NRG1: variants seen among roughly 807,000 people sequenced by gnomAD.
NRG1 encodes neuregulin 1, also known as pro-neuregulin-1, membrane-bound isoform.
In NRG1, 18 loss-of-function variants were observed where a neutral mutation model predicts 63.8. The observed-to-expected ratio is 0.28, with a 90% CI of 0.19 to 0.42. The LOEUF is 0.42. Ranked by LOEUF, NRG1 falls within the 10% of genes least tolerant of loss-of-function variation. NRG1 has a pLI of 1.00. For synonymous variants in NRG1, 302 were observed against 301.3 expected, an observed-to-expected ratio of 1.00 and a Z score of -0.02; for missense variants, 762 against 814.7, an observed-to-expected ratio of 0.94 and a Z score of 0.79.
intron 1 of NRG1, among the ~76,000 whole-genome samples, chr8:31,776,696 A>G (rs924479971): frequency 6.7e-6 from 1 of 150,098 alleles, no homozygotes; most frequent in Non-Finnish European, 1.5e-5. Context: ...CCCTCCCCCT[A>G]CCCCACAACA....
chr8:31,683,295 G>T (rs1808525990), intron 1 of NRG1, among the ~76,000 whole-genome samples: 1 of 152,130 alleles, frequency 6.6e-6, no homozygotes, highest in Admixed American at 6.6e-5. Flanking sequence ...CAACCAAGAT[G>T]TTCATTAGTA....
At chr8:31,882,278 A>G (rs867323265) in intron 1 of NRG1, among the ~76,000 whole-genome samples, 1 of 147,152 alleles carries the variant, frequency 6.8e-6, no homozygotes, top group Admixed American at 7.0e-5. Context: ...TGTTTATAGC[A>G]TGATTTACTG....
intron 1 of NRG1, among the ~76,000 whole-genome samples, chr8:32,291,083 A>G (rs917320504): frequency 3.9e-5 from 6 of 152,196 alleles, no homozygotes; most frequent in Non-Finnish European, 5.9e-5. Context: ...GAAAAAGCCA[A>G]TGTCCCAGTT....
chr8:32,750,305 CAAAGT>C (rs1264866739), intron 7 of NRG1, among the ~76,000 whole-genome samples: 2 of 152,072 alleles, frequency 1.3e-5, no homozygotes, highest in South Asian at 2.1e-4. Context: ...TTCACACTGT[CAAAGT>C]AAAAGAAAAA....
At chr8:31,932,059 A>G (rs569020811) in intron 1 of NRG1, among the ~76,000 whole-genome samples, 2 of 152,174 alleles carry the variant, frequency 1.3e-5, no homozygotes, top group East Asian at 3.9e-4. Context: ...GGTCCTTAAA[A>G]AGGAAGGCTC....
rs534309851 is a variant in NRG1 at position 31,710,663 on chromosome 8, T to C, written c.37+71232T>C. On this transcript the variant is annotated intron_variant, in intron 1 of 10. Transcript: ENST00000519301. ...AAATAAGACCATCTACTTGGATTCT[T>C]TTCTGTTTTGCCAGTATATCTTTTT... 7.7e-4 allele frequency among the ~76,000 whole-genome samples: 117 copies of C among 152,258 alleles called. 1 individual carries two copies. The highest frequency in any genetic ancestry group is 2.8e-3 in the African/African-American group (117 of 41,598).
At chr8:31,767,116 A>C (rs766647335) in intron 1 of NRG1, among the ~76,000 whole-genome samples, 3 of 152,142 alleles carry the variant, frequency 2.0e-5, no homozygotes, top group Non-Finnish European at 4.4e-5. Context: ...TCTTCCTCTT[A>C]ACACGAAGAA....
chr8:31,717,570 A>G (rs1259230370), intron 1 of NRG1, among the ~76,000 whole-genome samples: 1 of 152,142 alleles, frequency 6.6e-6, no homozygotes, highest in East Asian at 1.9e-4. Flanking sequence ...ACAAAGTGGG[A>G]CATGCATTGT....
intron 1 of NRG1, among the ~76,000 whole-genome samples, chr8:32,361,414 G>A (rs1199028899): frequency 1.3e-5 from 2 of 152,138 alleles, no homozygotes; most frequent in Non-Finnish European, 2.9e-5. Flanking sequence ...GTATGCATCT[G>A]GAAGTCCTTG....
intron 1 of NRG1, among the ~76,000 whole-genome samples, chr8:32,003,614 AAATC>A (rs1434604563): frequency 2.0e-5 from 3 of 152,098 alleles, no homozygotes; most frequent in Non-Finnish European, 4.4e-5. Context: ...AAAAATAAAT[AAATC>A]AAGGATAGAA....
chr8:32,071,482 C>A (rs987973532), intron 1 of NRG1, among the ~76,000 whole-genome samples: 1 of 152,176 alleles, frequency 6.6e-6, no homozygotes, highest in African/African-American at 2.4e-5. Context: ...ATCTTCCTAT[C>A]AGGGATGCAT....
intron 1 of NRG1, among the ~76,000 whole-genome samples, chr8:31,895,558 C>T (rs1191057682): frequency 6.6e-6 from 1 of 152,218 alleles, no homozygotes; most frequent in African/African-American, 2.4e-5. Flanking sequence ...AGCCTTTAGT[C>T]TGATCTTCAT....
intron 1 of NRG1, among the ~76,000 whole-genome samples, chr8:31,784,370 C>G (rs973705857): frequency 1.3e-5 from 2 of 152,176 alleles, no homozygotes; most frequent in Non-Finnish European, 2.9e-5. Flanking sequence ...CGTGGATTTT[C>G]CACGTGTGGC....
downstream of NRG1, among the ~76,000 whole-genome samples, chr8:32,768,612 A>AT (rs1831596941): frequency 6.6e-6 from 1 of 152,224 alleles, no homozygotes; most frequent in Non-Finnish European, 1.5e-5. Flanking sequence ...AAATTCTCAT[A>AT]TTCTAAGACT....
At chr8:32,158,333 A>G (rs1838376536) in intron 1 of NRG1, among the ~76,000 whole-genome samples, 1 of 151,258 alleles carries the variant, frequency 6.6e-6, no homozygotes, top group Admixed American at 6.6e-5. Context: ...TTTGCTAAGA[A>G]TGAGGTAATA....
At chr8:31,680,086 A>G (rs1481898654) in intron 1 of NRG1, among the ~76,000 whole-genome samples, 1 of 152,172 alleles carries the variant, frequency 6.6e-6, no homozygotes, top group Non-Finnish European at 1.5e-5. Context: ...TTCTGAGTAG[A>G]AAAATACCAA....
At chr8:32,302,136 CG>C (rs1855638856) in intron 1 of NRG1, among the ~76,000 whole-genome samples, 1 of 152,068 alleles carries the variant, frequency 6.6e-6, no homozygotes, top group Non-Finnish European at 1.5e-5. Flanking sequence ...TAGACCTCCA[CG>C]TTGTACTTCC....
At chr8:32,582,157 G>A (rs1010007703) in intron 1 of NRG1, among the ~76,000 whole-genome samples, 5 of 149,880 alleles carry the variant, frequency 3.3e-5, no homozygotes, top group Non-Finnish European at 7.4e-5. Context: ...GAGTGCAGTG[G>A]CATGGTTTCA....
chr8:31,950,079 T>G (rs772371128), intron 1 of NRG1, among the ~76,000 whole-genome samples: 3 of 152,100 alleles, frequency 2.0e-5, no homozygotes, highest in Non-Finnish European at 4.4e-5. Context: ...ACATGTTTAG[T>G]GTATGAAGAA....
Sources: gnomAD v4.1 joint callset for allele counts (sites outside exome capture counted in the v4.1 genomes callset) on GRCh38, gnomAD v4.1.1 for gene constraint, MANE v1.5 for transcripts, NCBI Gene and HGNC (gene_info 2026-07-23, HGNC 2026-07-21) for gene names.